Variants in OPHN1 observed in about 807,000 individuals in gnomAD.
The protein encoded by OPHN1 is oligophrenin 1.
Under a neutral mutation model 60.7 loss-of-function variants are expected in OPHN1, and 11 were observed. The ratio of observed to expected loss-of-function variants is 0.18; its 90% CI spans 0.11 to 0.30. The LOEUF is 0.30. Among genes scored for constraint, OPHN1 ranks in the 10% least tolerant of loss-of-function variants. The probability of loss-of-function intolerance (pLI) is 1.00; values close to 1 mark genes in which losing one functional copy is unlikely to be tolerated. For missense variants in OPHN1, 449 were observed against 611.0 expected (o/e 0.73, Z 2.80); for synonymous variants, 226 against 222.6 (o/e 1.02, Z -0.14).
At chrX:68,124,784 C>G (rs1696330576) in intron 15 of OPHN1, among the ~76,000 whole-genome samples, 1 of 110,793 alleles carries the variant, frequency 9.0e-6, no homozygotes, top group African/African-American at 3.3e-5. Flanking sequence ...GTAGCTGGAA[C>G]TACAAGCGTG....
At chrX:68,267,038 G>C (rs1281005432) in intron 5 of OPHN1, among the ~76,000 whole-genome samples, 1 of 111,671 alleles carries the variant, frequency 9.0e-6, no homozygotes, top group East Asian at 2.8e-4. Flanking sequence ...CAAGTCCTTA[G>C]AGATCGAGAA....
chrX:68,395,448 C>CT lies in OPHN1; in HGVS notation c.154+37418dup, dbSNP rs1267290343. Among the ~76,000 whole-genome samples, 197 of 99,783 alleles carry CT rather than the reference C, an allele frequency of 2.0e-3. 1 individual carries two copies. The highest frequency in any genetic ancestry group is 1.8e-3 in the Non-Finnish European group (90 of 48,885). The allele number at this position is 99,783 out of a possible 115,157, so 86.6% of individuals were successfully genotyped here. ...CATGCCCAGCTAATTTTCTCTCTCT[C>CT]TTTTTTTTTTTTTCTGGAGATGGAG... On this transcript the variant is annotated intron_variant, in intron 2 of 24. Transcript: ENST00000355520.
chrX:68,364,442 T>C (rs2078488592), intron 2 of OPHN1, among the ~76,000 whole-genome samples: 1 of 112,330 alleles, frequency 8.9e-6, no homozygotes, highest in African/African-American at 3.2e-5. Context: ...ACAACATTTA[T>C]TCCCAACAAC....
chrX:68,044,351 T>C lies in OPHN1; in HGVS notation c.*2821A>G, dbSNP rs1399474399. On this transcript the variant is annotated 3_prime_UTR_variant, in exon 25 of 25. Transcript: ENST00000355520. The stretch of plus-strand genomic sequence containing the variant: ...TTACTTTCTATGTGCCCTTGAGTTG[T>C]TTACTTTAGCCCCCTGGGCCATAAT... 8.9e-6 allele frequency: 1 copy of C among 112,593 alleles called. No individual in the cohort carries two copies. The highest frequency in any genetic ancestry group is 1.9e-5 in the Non-Finnish European group (1 of 53,331). 9.3% of individuals were successfully genotyped at this position (112,593 alleles called of 1,213,427 possible).
Position 68,363,091 on chromosome X carries a change from T to C in OPHN1, c.155-63995A>G, listed in dbSNP as rs187229984. Reference sequence around the variant, plus strand: ...GGTAAAAACCCATCTCTACTAAAAATACAAAAATTAGCCAGGCACGGTGGC... The same window carrying C: ...GGTAAAAACCCATCTCTACTAAAAACACAAAAATTAGCCAGGCACGGTGGC... On this transcript the variant is annotated intron_variant, in intron 2 of 24. Coordinates refer to ENST00000355520, the MANE Select transcript of OPHN1 (RefSeq NM_002547.3). 5.4e-4 allele frequency among the ~76,000 whole-genome samples: 59 copies of C among 108,528 alleles called. 1 individual carries two copies. Among genetic ancestry groups the C allele is most frequent in the South Asian group, 4.2e-3 (10 of 2,395 alleles). 94.2% of individuals were successfully genotyped at this position (108,528 alleles called of 115,157 possible). A position where few individuals can be genotyped will look rare whatever the true frequency, so the allele number is the denominator to read the frequency against.
chrX:68,146,835 C>A lies in OPHN1; in HGVS notation c.1277-27503G>T, dbSNP rs771323452. ...GTGTTTGTGTGTGTCTGTGTGTGTA[C>A]ACAAAGGCGTGTGTCTGTGTGTGTA... On this transcript the variant is annotated intron_variant, in intron 15 of 24. Coordinates refer to ENST00000355520, the MANE Select transcript of OPHN1 (RefSeq NM_002547.3). Among the ~76,000 whole-genome samples the A allele has an allele frequency of 7.6e-4, 56 of 73,723 alleles. No individual in the cohort carries two copies. The South Asian group carries it at 0.026, about 34-fold the overall frequency. The allele number at this position is 73,723 out of a possible 115,157, so 64.0% of individuals were successfully genotyped here.
At chrX:68,198,227 G>A (rs2077520899) in intron 11 of OPHN1, among the ~76,000 whole-genome samples, 1 of 110,625 alleles carries the variant, frequency 9.0e-6, no homozygotes, top group East Asian at 2.8e-4. Context: ...TCATGAATGG[G>A]ATTAGGGCCC....
chrX:68,118,557 C>T (rs1262065552), intron 16 of OPHN1, among the ~76,000 whole-genome samples: 1 of 111,621 alleles, frequency 9.0e-6, no homozygotes, highest in Admixed American at 9.5e-5. Flanking sequence ...GGCTTTTGCA[C>T]ATAAAGTATG....
chrX:68,292,020 G>T (rs1375588870), intron 3 of OPHN1, among the ~76,000 whole-genome samples: 1 of 111,597 alleles, frequency 9.0e-6, no homozygotes, highest in Admixed American at 9.5e-5. Context: ...TTCAGAAATT[G>T]AATGCTATAC....
Position 68,306,898 on chromosome X carries a change from A to AT in OPHN1, c.155-7803dup, listed in dbSNP as rs1159365043. On this transcript the variant is annotated intron_variant, in intron 2 of 24. Coordinates refer to ENST00000355520, the MANE Select transcript of OPHN1 (RefSeq NM_002547.3). Reference sequence around the variant, plus strand: ...CCACTCCACCCAGCTAATTTCTAAAATTTTTTGTAGAGACAGACCCTTGCT... The same window carrying AT: ...CCACTCCACCCAGCTAATTTCTAAAATTTTTTTGTAGAGACAGACCCTTGCT... 1.1e-4 allele frequency among the ~76,000 whole-genome samples: 12 copies of AT among 110,439 alleles called. No homozygotes were observed. The East Asian group carries it at 3.5e-3, about 32-fold the overall frequency.
chrX:68,192,452 G>A (rs766879395), intron 15 of OPHN1, among the ~76,000 whole-genome samples: 2 of 89,691 alleles, frequency 2.2e-5, no homozygotes, highest in Admixed American at 1.4e-4. Context: ...CAGCCTAGGC[G>A]ACAGAGCTAG....
intron 15 of OPHN1, among the ~76,000 whole-genome samples, chrX:68,135,436 G>A (rs2077215348): frequency 9.0e-6 from 1 of 111,641 alleles, no homozygotes. Context: ...GGGAGCGGGA[G>A]CTATTATATA....
chrX:68,414,054 T>C (rs2078782174), intron 2 of OPHN1, among the ~76,000 whole-genome samples: 1 of 111,510 alleles, frequency 9.0e-6, no homozygotes, highest in Admixed American at 9.6e-5. Flanking sequence ...TCAATTTATC[T>C]CCTGTAAAAT....
At chrX:68,068,246 C>T (rs1160853303) in intron 20 of OPHN1, among the ~76,000 whole-genome samples, 3 of 109,375 alleles carry the variant, frequency 2.7e-5, no homozygotes, top group African/African-American at 6.7e-5. Flanking sequence ...CCGAGGTGGG[C>T]GAATCATGAG....
At chrX:68,109,168 C>T (rs1296040314) in intron 18 of OPHN1, among the ~76,000 whole-genome samples, 1 of 111,200 alleles carries the variant, frequency 9.0e-6, no homozygotes, top group Non-Finnish European at 1.9e-5. Context: ...CTCCCCATTA[C>T]TTCTCATACC....
intron 2 of OPHN1, among the ~76,000 whole-genome samples, chrX:68,311,201 G>C (rs1441744963): frequency 3.6e-5 from 4 of 111,759 alleles, no homozygotes; most frequent in Non-Finnish European, 7.5e-5. Context: ...CTTCAGCCTG[G>C]GAGGTCAAGG....
At chrX:68,345,447 C>T (rs1357819493) in intron 2 of OPHN1, among the ~76,000 whole-genome samples, 1 of 112,277 alleles carries the variant, frequency 8.9e-6, no homozygotes, top group African/African-American at 3.2e-5. Flanking sequence ...TCTCAATGTC[C>T]AAAAATAGAG....
At chrX:68,075,185 G>T (rs1397894270) in intron 19 of OPHN1, among the ~76,000 whole-genome samples, 2 of 112,338 alleles carry the variant, frequency 1.8e-5, no homozygotes, top group African/African-American at 6.5e-5. Context: ...TTTGCAGGCT[G>T]CAGTGCAGGA....
At chrX:68,082,314 T>C (rs1227477339) in intron 19 of OPHN1, among the ~76,000 whole-genome samples, 1 of 112,538 alleles carries the variant, frequency 8.9e-6, no homozygotes, top group African/African-American at 3.2e-5. Context: ...GACATCTAGA[T>C]TGGTGAATGC....
Sources: gnomAD v4.1 joint callset for allele counts (sites outside exome capture counted in the v4.1 genomes callset) on GRCh38, gnomAD v4.1.1 for gene constraint, MANE v1.5 for transcripts, NCBI Gene and HGNC (gene_info 2026-07-23, HGNC 2026-07-21) for gene names.